PDE4D: variants seen among roughly 807,000 people sequenced by gnomAD.
PDE4D encodes phosphodiesterase 4D, also known as 3',5'-cyclic-AMP phosphodiesterase 4D.
Under a neutral mutation model 87.4 loss-of-function variants are expected in PDE4D, and 24 were observed. The ratio of observed to expected loss-of-function variants is 0.27; its 90% confidence interval spans 0.20 to 0.39. PDE4D has a LOEUF of 0.39. PDE4D is among the 10% of genes least tolerant of loss of function. PDE4D has a pLI of 1.00. For synonymous variants in PDE4D, 384 were observed against 383.2 expected (o/e 1.00, Z -0.02); for missense variants, 714 against 1,041.0 (o/e 0.69, Z 4.32).
intron 1 of PDE4D, among the ~76,000 whole-genome samples, chr5:59,797,839 C>T (rs1419599778): frequency 6.6e-6 from 1 of 151,978 alleles, no homozygotes; most frequent in African/African-American, 2.4e-5. Context: ...GATTATCACC[C>T]CAACAGAATA....
In PDE4D at chr5:59,608,239, A is replaced by T. The variant is rs192534417; in HGVS notation, c.455+284929T>A. On this transcript the variant is annotated intron_variant, in intron 1 of 14. Transcript: ENST00000340635. ...AGAGTGCTGACAAGGATGGATTTTA[A>T]TGTGGGGTTTCTGCCACTTTGCCTC... Among the ~76,000 whole-genome samples the T allele has an allele frequency of 2.5e-4, 38 of 152,238 alleles. 1 individual carries two copies. Among genetic ancestry groups the T allele is most frequent in the Non-Finnish European group, 4.3e-4 (29 of 68,006 alleles).
intron 1 of PDE4D, among the ~76,000 whole-genome samples, chr5:59,715,623 G>A (rs1447435910): frequency 6.6e-6 from 1 of 152,238 alleles, no homozygotes; most frequent in Non-Finnish European, 1.5e-5. Context: ...TAACCTTGTG[G>A]TTAGGCACCT....
At position 59,649,905 on chromosome 5, in the gene PDE4D, CTTTTTTTTTTTTT is replaced by C. The variant is rs1156467369; in HGVS notation, c.455+243250_455+243262del. Among the ~76,000 whole-genome samples, 75 of 72,444 alleles carry C rather than the reference CTTTTTTTTTTTTT, an allele frequency of 1.0e-3. 2 individuals are homozygous for C. Among genetic ancestry groups the C allele is most frequent in the African/African-American group, 4.6e-3 (70 of 15,166 alleles). The allele number at this position is 72,444 out of a possible 152,430, so 47.5% of individuals were successfully genotyped here. ...GTTAAAATGTTGATAGTTTGTGAAC[CTTTTTTTTTTTTT>C]TTTTTTTTTTTTTTAGCAATGACCC... is the stretch of plus-strand genomic sequence containing the variant. On this transcript the variant is annotated intron_variant, in intron 1 of 14. Transcript: ENST00000340635.
At chr5:59,577,089 A>C (rs1038406211) in intron 1 of PDE4D, among the ~76,000 whole-genome samples, 1 of 152,168 alleles carries the variant, frequency 6.6e-6, no homozygotes, top group African/African-American at 2.4e-5. Flanking sequence ...TGAGGACTTC[A>C]TATCATGTTA....
intron 2 of PDE4D, among the ~76,000 whole-genome samples, chr5:60,069,970 C>T (rs1434608854): frequency 6.6e-6 from 1 of 151,858 alleles, no homozygotes; most frequent in African/African-American, 2.4e-5. Flanking sequence ...TCTTAATTTC[C>T]TTTCAGATAG....
intron 1 of PDE4D, among the ~76,000 whole-genome samples, chr5:59,508,826 A>G (rs1421495413): frequency 6.6e-6 from 1 of 152,088 alleles, no homozygotes; most frequent in Non-Finnish European, 1.5e-5. Context: ...ACAACAAATT[A>G]GACTCTACTG....
chr5:60,505,513 T>C (rs1401566608), intron 1 of PDE4D, among the ~76,000 whole-genome samples: 1 of 152,206 alleles, frequency 6.6e-6, no homozygotes, highest in Non-Finnish European at 1.5e-5. Flanking sequence ...CTGAGCACTC[T>C]ATAATACAGC....
intron 1 of PDE4D, among the ~76,000 whole-genome samples, chr5:60,223,042 T>C (rs756796741): frequency 2.0e-5 from 3 of 152,146 alleles, no homozygotes; most frequent in African/African-American, 7.2e-5. Flanking sequence ...AATATGTAAA[T>C]GCTTCCTCTT....
intron 1 of PDE4D, among the ~76,000 whole-genome samples, chr5:60,432,433 CT>C (rs1237389347): frequency 6.6e-6 from 1 of 152,154 alleles, no homozygotes; most frequent in East Asian, 1.9e-4. Flanking sequence ...AATTTTGGAA[CT>C]TGCTATTGGT....
intron 1 of PDE4D, among the ~76,000 whole-genome samples, chr5:59,751,307 T>C (rs1192575974): frequency 6.6e-6 from 1 of 152,196 alleles, no homozygotes; most frequent in Non-Finnish European, 1.5e-5. Flanking sequence ...TTAACACATC[T>C]GATTTGAATG....
In PDE4D at chr5:60,197,408, A is replaced by G. The variant is rs1741402697; in HGVS notation, c.-89-11721T>C. 1.3e-5 allele frequency among the ~76,000 whole-genome samples: 2 copies of G among 151,604 alleles called. 1 individual carries two copies. The highest frequency in any genetic ancestry group is 4.2e-4 in the South Asian group (2 of 4,806). ...TTTTCCCACAAAATCTACTGTGAAT[A>G]GCCTCCTTAAGAAAAATACAAGTGA... On this transcript the variant is annotated intron_variant, in intron 1 of 16. Coordinates refer to the PDE4D transcript ENST00000502484.
At chr5:59,857,064 T>A (rs1385370165) in intron 1 of PDE4D, among the ~76,000 whole-genome samples, 1 of 152,146 alleles carries the variant, frequency 6.6e-6, no homozygotes, top group African/African-American at 2.4e-5. Flanking sequence ...TCTGCCAGCT[T>A]CTAAATCTTA....
intron 1 of PDE4D, among the ~76,000 whole-genome samples, chr5:59,352,856 A>G (rs1032849040): frequency 6.6e-6 from 1 of 152,172 alleles, no homozygotes; most frequent in Non-Finnish European, 1.5e-5. Flanking sequence ...AGGTACAAGC[A>G]TGCACATATG....
intron 2 of PDE4D, among the ~76,000 whole-genome samples, chr5:60,182,242 T>C (rs1784429717): frequency 6.6e-6 from 1 of 152,196 alleles, no homozygotes; most frequent in African/African-American, 2.4e-5. Context: ...TCAAAAATCA[T>C]TGGTAAGAAT....
intron 1 of PDE4D, among the ~76,000 whole-genome samples, chr5:59,303,522 C>CGTGA (rs1770680368): frequency 6.6e-6 from 1 of 151,940 alleles, no homozygotes; most frequent in South Asian, 2.1e-4. Flanking sequence ...CATAGTTTCA[C>CGTGA]GTCTTAGGTT....
intron 2 of PDE4D, among the ~76,000 whole-genome samples, chr5:60,142,341 A>G (rs1365973997): frequency 1.3e-5 from 2 of 152,208 alleles, no homozygotes; most frequent in Non-Finnish European, 2.9e-5. Flanking sequence ...TACTCTTCAC[A>G]AGCAGTCTTT....
At chr5:60,213,680 C>T (rs1177608184) in intron 1 of PDE4D, among the ~76,000 whole-genome samples, 2 of 152,174 alleles carry the variant, frequency 1.3e-5, no homozygotes, top group Non-Finnish European at 1.5e-5. Flanking sequence ...GGAGCCACTG[C>T]TTCCAAGAGT....
chr5:60,327,767 A>G (rs1756932849), intron 1 of PDE4D, among the ~76,000 whole-genome samples: 4 of 152,236 alleles, frequency 2.6e-5, no homozygotes, highest in African/African-American at 9.6e-5. Context: ...ATATAGTGAA[A>G]TATTATACAG....
intron 2 of PDE4D, among the ~76,000 whole-genome samples, chr5:60,118,789 A>G (rs1470700703): frequency 6.6e-6 from 1 of 152,114 alleles, no homozygotes; most frequent in East Asian, 1.9e-4. Flanking sequence ...AGTGGTGTTT[A>G]TGAAAATGCA....
Sources: allele counts gnomAD v4.1 joint callset (sites outside exome capture counted in the v4.1 genomes callset), GRCh38; gene constraint gnomAD v4.1.1; transcripts MANE v1.5; gene names NCBI Gene and HGNC (gene_info 2026-07-23, HGNC 2026-07-21).